The following NCKAP5 variants were observed in gnomAD, a reference collection of about 807,000 sequenced individuals.
The protein encoded by NCKAP5 is NCK associated protein 5, also known as nck-associated protein 5.
NCKAP5 carries 92 observed loss-of-function variants against 167.0 expected under a neutral mutation model. The observed-to-expected ratio is 0.55, with a 90% CI of 0.47 to 0.66. The LOEUF (loss-of-function observed/expected upper bound fraction) is 0.66. Ranked by LOEUF, NCKAP5 falls within the 30% of genes least tolerant of loss-of-function variation. The pLI is 0.00. For synonymous variants in NCKAP5, 891 were observed against 877.4 expected (o/e 1.02, Z -0.27); for missense variants, 2,378 against 2,315.0 (o/e 1.03, Z -0.56).
intron 5 of NCKAP5, among the ~76,000 whole-genome samples, chr2:133,177,258 A>T (rs1022087144): frequency 1.3e-5 from 2 of 151,710 alleles, no homozygotes; most frequent in African/African-American, 4.8e-5. Context: ...TAAGGCTTAC[A>T]ATGACTCAGG....
At chr2:133,347,157 G>A (rs1333283404) in intron 3 of NCKAP5, among the ~76,000 whole-genome samples, 8 of 152,180 alleles carry the variant, frequency 5.3e-5, no homozygotes, top group Admixed American at 3.3e-4. Context: ...GTAATGTTAC[G>A]GATAATGTAT....
the NCKAP5 span, among the ~76,000 whole-genome samples, chr2:133,591,380 AGCT>A: frequency 6.6e-6 from 1 of 152,096 alleles, no homozygotes; most frequent in Non-Finnish European, 1.5e-5. Context: ...CTGCCAGGGG[AGCT>A]GCTGCTCTCT....
At chr2:132,992,596 C>G (rs957608361) in intron 7 of NCKAP5, among the ~76,000 whole-genome samples, 1 of 152,156 alleles carries the variant, frequency 6.6e-6, no homozygotes, top group African/African-American at 2.4e-5. Flanking sequence ...AATGCAGAAT[C>G]GAGTCGCATT....
chr2:132,831,343 A>G (rs1450140304), intron 11 of NCKAP5, among the ~76,000 whole-genome samples: 2 of 152,232 alleles, frequency 1.3e-5, no homozygotes, highest in Admixed American at 1.3e-4. Flanking sequence ...GCTGATATGC[A>G]TACTTAAATT....
chr2:133,040,358 T>C (rs1442286113), intron 6 of NCKAP5, among the ~76,000 whole-genome samples: 1 of 152,170 alleles, frequency 6.6e-6, no homozygotes, highest in Non-Finnish European at 1.5e-5. Flanking sequence ...CTAATACTTC[T>C]CTAGTATTTC....
chr2:133,299,544 C>A (rs1223806600), intron 4 of NCKAP5, among the ~76,000 whole-genome samples: 1 of 152,030 alleles, frequency 6.6e-6, no homozygotes, highest in African/African-American at 2.4e-5. Context: ...GTCAGGAGTT[C>A]GAGACCAGCC....
intron 2 of NCKAP5, among the ~76,000 whole-genome samples, chr2:133,538,773 T>C (rs1384828028): frequency 6.6e-6 from 1 of 152,044 alleles, no homozygotes; most frequent in African/African-American, 2.4e-5. Flanking sequence ...TTGTGAAAAC[T>C]AATTACTGCC....
intron 6 of NCKAP5, among the ~76,000 whole-genome samples, chr2:133,008,742 G>A (rs1384448721): frequency 6.6e-6 from 1 of 151,640 alleles, no homozygotes; most frequent in Non-Finnish European, 1.5e-5. Context: ...AAAAACTGGG[G>A]GAAAAAAAGT....
chr2:132,893,989 G>A (rs561609869), intron 8 of NCKAP5, among the ~76,000 whole-genome samples: 10 of 152,158 alleles, frequency 6.6e-5, no homozygotes, highest in African/African-American at 2.2e-4. Context: ...CGGGCATCCC[G>A]CTGCCACTGT....
At chr2:133,134,174 T>A (rs2082705291) in intron 5 of NCKAP5, among the ~76,000 whole-genome samples, 1 of 152,192 alleles carries the variant, frequency 6.6e-6, no homozygotes, top group African/African-American at 2.4e-5. Flanking sequence ...GCCACAACCA[T>A]CCACATGTGG....
At chr2:132,918,037 A>G (rs1329545617) in intron 8 of NCKAP5, among the ~76,000 whole-genome samples, 5 of 152,208 alleles carry the variant, frequency 3.3e-5, no homozygotes, top group Non-Finnish European at 5.9e-5. Context: ...AGAGATAGCT[A>G]TTTGATCAGG....
intron 5 of NCKAP5, among the ~76,000 whole-genome samples, chr2:133,153,050 T>A (rs1272081516): frequency 6.6e-6 from 1 of 152,190 alleles, no homozygotes; most frequent in Non-Finnish European, 1.5e-5. Flanking sequence ...AAGCAATGCA[T>A]CGTTGTACAC....
intron 3 of NCKAP5, among the ~76,000 whole-genome samples, chr2:133,434,327 CAAAT>C (rs1690338189): frequency 6.6e-6 from 1 of 152,112 alleles, no homozygotes. Flanking sequence ...TACAGGTAAA[CAAAT>C]AACTGCATTC....
At chr2:133,519,286 A>G (rs953771771) in intron 2 of NCKAP5, among the ~76,000 whole-genome samples, 4 of 152,204 alleles carry the variant, frequency 2.6e-5, no homozygotes, top group African/African-American at 9.7e-5. Flanking sequence ...CCACTCAGAA[A>G]CTCTTAAGAG....
At chr2:133,133,467 C>T (rs1037268715) in intron 5 of NCKAP5, among the ~76,000 whole-genome samples, 1 of 152,176 alleles carries the variant, frequency 6.6e-6, no homozygotes, top group Non-Finnish European at 1.5e-5. Context: ...CAAATCGCTG[C>T]ACCAGAACAC....
At chr2:133,639,255 T>A in the NCKAP5 span, among the ~76,000 whole-genome samples, 1 of 152,186 alleles carries the variant, frequency 6.6e-6, no homozygotes. Flanking sequence ...GAGGAACAAA[T>A]GGCAACCCCA....
chr2:132,942,618 G>A lies in NCKAP5; in HGVS notation c.579+21102C>T, dbSNP rs116557901. Among the ~76,000 whole-genome samples, 772 of 152,290 alleles carry A rather than the reference G, an allele frequency of 5.1e-3. 3 individuals carry two copies. The highest frequency in any genetic ancestry group is 0.018 in the African/African-American group (735 of 41,560). On this transcript the variant is annotated intron_variant, in intron 8 of 19. Transcript: ENST00000409261. ...ATTCTGGACACAAAGATAATGATGT[G>A]CTTTAAAGGTGGATGGGAAACAACA...
At chr2:133,193,235 A>G (rs1038399476) in intron 5 of NCKAP5, among the ~76,000 whole-genome samples, 2 of 152,126 alleles carry the variant, frequency 1.3e-5, no homozygotes, top group Non-Finnish European at 2.9e-5. Flanking sequence ...AATGGGTGCC[A>G]GAGTTATAAA....
chr2:133,266,408 C>CA (rs2089220261), intron 4 of NCKAP5: 1 of 152,888 alleles, frequency 6.5e-6, no homozygotes, highest in African/African-American at 2.4e-5. Context: ...TCTGCGGGGA[C>CA]AAGGACTGAA....
Sources: allele counts gnomAD v4.1 joint callset (sites outside exome capture counted in the v4.1 genomes callset), GRCh38; gene constraint gnomAD v4.1.1; transcripts MANE v1.5; gene names NCBI Gene and HGNC (gene_info 2026-07-23, HGNC 2026-07-21).